ICE2: variants seen among roughly 807,000 people sequenced by gnomAD.
The protein encoded by ICE2 is little elongation complex subunit 2.
In ICE2, 87 loss-of-function variants were observed where a neutral mutation model predicts 105.4. That is an observed-to-expected ratio of 0.83 (90% confidence interval 0.69 to 0.99). The LOEUF is 0.99. Among genes scored for constraint, ICE2 ranks in the 50% least tolerant of loss-of-function variants. ICE2 has a pLI of 0.00. For synonymous variants in ICE2, 399 were observed against 392.0 expected, an observed-to-expected ratio of 1.02 and a Z score of -0.21; for missense variants, 1,323 against 1,146.7, an observed-to-expected ratio of 1.15 and a Z score of -2.22.
chr15:60,467,332 A>C (rs1417753106), intron 4 of ICE2, among the ~76,000 whole-genome samples: 1 of 152,240 alleles, frequency 6.6e-6, no homozygotes, highest in Non-Finnish European at 1.5e-5. Context: ...GCAAGTTACC[A>C]AAGAAAAAAT....
rs1276880552 is a variant in ICE2 at position 60,474,868 on chromosome 15, C to A, written c.146+1195G>T. Among the ~76,000 whole-genome samples the A allele has an allele frequency of 5.9e-5, 9 of 152,054 alleles. No homozygotes were observed. The East Asian group carries it at 1.2e-3, about 20-fold the overall frequency. On this transcript the variant is annotated intron_variant, in intron 3 of 15. Coordinates refer to ENST00000261520, the MANE Select transcript of ICE2 (RefSeq NM_024611.6). ...CAGGCAGAGTGGCTCCTGGCTGTAA[C>A]CCCAGCACTTTGGGAGGCCAAGTTG...
At chr15:60,476,405 T>G (rs2141179533) in intron 2 of ICE2, among the ~76,000 whole-genome samples, 1 of 152,340 alleles carries the variant, frequency 6.6e-6, no homozygotes, top group East Asian at 1.9e-4. Flanking sequence ...TAATCAGCTC[T>G]ACATTTTCTG....
chr15:60,437,528 T>G (rs2063623272), intron 12 of ICE2, among the ~76,000 whole-genome samples: 1 of 151,954 alleles, frequency 6.6e-6, no homozygotes, highest in Non-Finnish European at 1.5e-5. Context: ...AGACTGGGTT[T>G]CATCATGTTG....
At chr15:60,426,567 A>G (rs2063342853) in intron 15 of ICE2, among the ~76,000 whole-genome samples, 1 of 152,248 alleles carries the variant, frequency 6.6e-6, no homozygotes, top group South Asian at 2.1e-4. Context: ...CATTCTAGAC[A>G]TTATTTAAAA....
chr15:60,474,820 G>A (rs2064711340), intron 3 of ICE2, among the ~76,000 whole-genome samples: 2 of 152,100 alleles, frequency 1.3e-5, no homozygotes, highest in South Asian at 4.1e-4. Flanking sequence ...ACTTGAGCAT[G>A]TTCAAATACT....
chr15:60,473,288 G>GAC (rs1253205319), intron 3 of ICE2, among the ~76,000 whole-genome samples: 1 of 151,866 alleles, frequency 6.6e-6, no homozygotes, highest in Non-Finnish European at 1.5e-5. Flanking sequence ...GAGAGAGAGA[G>GAC]ACACACACAC....
rs774192654 is a variant in ICE2 at position 60,423,725 on chromosome 15, T to C, written c.2858A>G (p.Asn953Ser). 16 of 1,603,474 alleles carry C rather than the reference T, an allele frequency of 1.0e-5. No homozygotes were observed. The Admixed American group carries it at 2.8e-4, about 28-fold the overall frequency. Residue 953 changes from asparagine (N) to serine (S), a missense_variant, in exon 16 of 16, where the codon AAT becomes AGT. Asn to Ser is a conservative substitution (Grantham distance 46). Coordinates refer to ENST00000261520, the MANE Select transcript of ICE2 (RefSeq NM_024611.6). ...GTRMPTRSHR[N>S]PVSMETKSSC... ...GCTTTTGGTTTCCATGGAAACTGGA[T>C]TCCTGTGGCTGCGTGTAGGCATTCT... is the stretch of plus-strand genomic sequence containing the variant.
At chr15:60,446,523 G>A (rs1173620531) in intron 11 of ICE2, among the ~76,000 whole-genome samples, 3 of 152,108 alleles carry the variant, frequency 2.0e-5, no homozygotes. Context: ...AGCCTCCCAC[G>A]TAGCTGGGAC....
intron 13 of ICE2, among the ~76,000 whole-genome samples, chr15:60,433,804 T>TAA (rs67870746): frequency 3.6e-4 from 22 of 60,754 alleles, no homozygotes; most frequent in Admixed American, 3.4e-3. Flanking sequence ...TCCTTTTTTT[T>TAA]AAAAAAAAAA....
At chr15:60,438,269 C>T (rs2063641027) in intron 12 of ICE2, 1 of 152,084 alleles carries the variant, frequency 6.6e-6, no homozygotes, top group African/African-American at 2.4e-5. Flanking sequence ...TTTTTTAACT[C>T]CTAATATTTA....
chr15:60,454,299 C>T (rs1422241667), intron 8 of ICE2, among the ~76,000 whole-genome samples: 1 of 152,156 alleles, frequency 6.6e-6, no homozygotes, highest in Non-Finnish European at 1.5e-5. Context: ...AGAAAGACTA[C>T]CCTATTGCTT....
At chr15:60,465,066 T>C (rs528900266) in intron 5 of ICE2, among the ~76,000 whole-genome samples, 82 of 152,324 alleles carry the variant, frequency 5.4e-4, no homozygotes, top group Non-Finnish European at 9.1e-4. Flanking sequence ...CTTTTCCACA[T>C]AGAAAATTAT....
chr15:60,478,039 A>G lies in ICE2; in HGVS notation c.-62T>C. 1 of 1,471,758 alleles carries G rather than the reference A, an allele frequency of 6.8e-7. No individual in the cohort carries two copies. Among genetic ancestry groups the G allele is most frequent in the African/African-American group, 1.4e-5 (1 of 72,220 alleles). The allele number at this position is 1,471,758 out of a possible 1,614,324, so 91.2% of individuals were successfully genotyped here. On this transcript the variant is annotated 5_prime_UTR_variant, in exon 2 of 16. Transcript: ENST00000261520. The stretch of plus-strand genomic sequence containing the variant: ...ACAGCTGCCTGGCTGCGAAGGCTCC[A>G]AGAGGCAGGATCCCTCCAGAACTTA...
rs1375545581 is a variant in ICE2, at chr15:60,424,619, T to TGACTCCA, written c.2821-864_2821-858dup. Among the ~76,000 whole-genome samples, 3 of 152,216 alleles carry TGACTCCA rather than the reference T, an allele frequency of 2.0e-5. No individual in the cohort carries two copies. The East Asian group carries it at 5.8e-4, about 29-fold the overall frequency. On this transcript the variant is annotated intron_variant, in intron 15 of 15. Transcript: ENST00000261520. Reference sequence around the variant, plus strand: ...ACCTCCTGGGTTCAAGCGATTCTCCTGACTCCAGACTCCTGAGCAGCTGGG... The same window carrying TGACTCCA: ...ACCTCCTGGGTTCAAGCGATTCTCCTGACTCCAGACTCCAGACTCCTGAGCAGCTGGG...
intron 12 of ICE2, among the ~76,000 whole-genome samples, chr15:60,437,266 A>G (rs2063615000): frequency 6.6e-6 from 1 of 151,798 alleles, no homozygotes; most frequent in Non-Finnish European, 1.5e-5. Context: ...AAAAATATAT[A>G]TATATATTTA....
intron 3 of ICE2, among the ~76,000 whole-genome samples, chr15:60,474,495 G>A (rs144570269): frequency 2.0e-4 from 31 of 152,112 alleles, no homozygotes; most frequent in Middle Eastern, 3.4e-3. Context: ...GCTATAGGCC[G>A]TGCATGGTGG....
At chr15:60,429,882 G>A (rs1454994586) in intron 14 of ICE2, among the ~76,000 whole-genome samples, 3 of 151,930 alleles carry the variant, frequency 2.0e-5, no homozygotes, top group Non-Finnish European at 4.4e-5. Context: ...ACTAAAAATG[G>A]AGAAAGCTTT....
At chr15:60,451,216 TATGA>T in intron 9 of ICE2, 1 of 598,506 alleles carries the variant, frequency 1.7e-6, no homozygotes, top group Non-Finnish European at 2.1e-6. Flanking sequence ...ATCCAGAAAG[TATGA>T]ATAATAATAA....
intron 8 of ICE2, 135 bp downstream of exon 8, chr15:60,454,868 C>T: frequency 1.4e-6 from 1 of 729,828 alleles, no homozygotes; most frequent in Non-Finnish European, 2.1e-6. Context: ...CCCCCACCCC[C>T]TGACAGGCCC....
Sources: gnomAD v4.1 joint callset for allele counts (sites outside exome capture counted in the v4.1 genomes callset) on GRCh38, gnomAD v4.1.1 for gene constraint, MANE v1.5 for transcripts, NCBI Gene and HGNC (gene_info 2026-07-23, HGNC 2026-07-21) for gene names.